Variants in NIPBL observed in about 807,000 individuals in gnomAD.
NIPBL encodes the protein NIPBL cohesin loading factor.
In NIPBL, 19 loss-of-function variants were observed where a neutral mutation model predicts 321.8. The ratio of observed to expected loss-of-function variants is 0.06; its 90% CI spans 0.04 to 0.09. The LOEUF is 0.09. Ranked by LOEUF, NIPBL falls within the 10% of genes least tolerant of loss-of-function variation. The pLI is 1.00. For missense variants in NIPBL, 2,210 were observed against 3,327.0 expected (o/e 0.66, Z 8.26); for synonymous variants, 1,106 against 1,114.1 (o/e 0.99, Z 0.14).
intron 1 of NIPBL, among the ~76,000 whole-genome samples, chr5:36,893,842 G>A (rs754348017): frequency 2.6e-5 from 4 of 152,166 alleles, no homozygotes; most frequent in African/African-American, 4.8e-5. Context: ...GGATACTAGC[G>A]AGGACGTAGA....
In NIPBL at chr5:37,040,282, A is replaced by G. The variant is rs570642947; in HGVS notation, c.6108+1544A>G. Among the ~76,000 whole-genome samples, 193 of 152,238 alleles carry G rather than the reference A, an allele frequency of 1.3e-3. 2 individuals are homozygous for G. Among genetic ancestry groups the G allele is most frequent in the African/African-American group, 4.5e-3 (187 of 41,544 alleles). On this transcript the variant is annotated intron_variant, in intron 34 of 46. Coordinates refer to ENST00000282516, the MANE Select transcript of NIPBL (RefSeq NM_133433.4). ...ACAAATATAAAGTTGTATATAAATA[A>G]GAGTATCTCATACATGGTAAACTTT...
At chr5:36,939,333 A>G (rs1416062517) in intron 1 of NIPBL, among the ~76,000 whole-genome samples, 2 of 152,110 alleles carry the variant, frequency 1.3e-5, no homozygotes, top group African/African-American at 4.8e-5. Flanking sequence ...GGCAACCACT[A>G]ATCTTTTCAC....
intron 1 of NIPBL, among the ~76,000 whole-genome samples, chr5:36,950,913 A>G (rs1433829652): frequency 6.6e-6 from 1 of 151,998 alleles, no homozygotes; most frequent in Admixed American, 6.6e-5. Flanking sequence ...GATTACTTAC[A>G]TTTATTAAAA....
At chr5:37,046,968 A>G (rs1753044371) in intron 38 of NIPBL, among the ~76,000 whole-genome samples, 1 of 152,186 alleles carries the variant, frequency 6.6e-6, no homozygotes. Flanking sequence ...CCAAGGATCA[A>G]AAATACTGAG....
intron 1 of NIPBL, among the ~76,000 whole-genome samples, chr5:36,950,100 G>T (rs1276221682): frequency 1.3e-5 from 2 of 151,996 alleles, no homozygotes. Context: ...TCTGTCGCCA[G>T]TATTTATTTC....
chr5:37,061,565 G>GCT lies in NIPBL; in HGVS notation c.7860+548_7860+549dup, dbSNP rs371528742. Among the ~76,000 whole-genome samples the GCT allele has an allele frequency of 2.9e-3, 448 of 152,234 alleles. 3 individuals carry two copies. Among genetic ancestry groups the GCT allele is most frequent in the African/African-American group, 0.01 (430 of 41,534 alleles). ...GCAGTGGTGTGCACCTGTAGTCCCA[G>GCT]CTACTCAGGAGGCTGAGGCAGGAGA... On this transcript the variant is annotated intron_variant, in intron 45 of 46. Coordinates refer to ENST00000282516, the MANE Select transcript of NIPBL (RefSeq NM_133433.4).
intron 1 of NIPBL, among the ~76,000 whole-genome samples, chr5:36,890,674 A>G (rs1021146543): frequency 9.9e-5 from 15 of 152,244 alleles, no homozygotes; most frequent in Non-Finnish European, 2.1e-4. Context: ...ACCCAAGCCC[A>G]TGTCTTCAAC....
Position 36,877,075 on chromosome 5 carries a change from G to C in NIPBL, c.-183G>C. On this transcript the variant is annotated 5_prime_UTR_variant, in exon 1 of 47. Transcript: ENST00000282516. ...GGCTCTACATGTTCCCCGCACTGAGGAGACGGAAGAGGAGCCGTAGCCACC... is the reference window on the plus strand; with the variant it reads ...GGCTCTACATGTTCCCCGCACTGAGCAGACGGAAGAGGAGCCGTAGCCACC... The C allele has an allele frequency of 2.8e-6, 1 of 360,466 alleles. No individual in the cohort carries two copies. The highest frequency in any genetic ancestry group is 4.9e-6 in the Non-Finnish European group (1 of 202,654). 22.3% of individuals were successfully genotyped at this position (360,466 alleles called of 1,614,324 possible). A position where few individuals can be genotyped will look rare whatever the true frequency, so the allele number is the denominator to read the frequency against.
At chr5:36,921,343 T>C (rs1748927203) in intron 1 of NIPBL, among the ~76,000 whole-genome samples, 1 of 152,194 alleles carries the variant, frequency 6.6e-6, no homozygotes, top group Non-Finnish European at 1.5e-5. Context: ...ACTAGTATTA[T>C]ACATGGAACT....
chr5:37,015,989 A>G, intron 22 of NIPBL, 49 bp from the exon 23 acceptor site: 3 of 1,599,660 alleles, frequency 1.9e-6, no homozygotes, highest in Non-Finnish European at 1.7e-6. Flanking sequence ...CAGATGACTG[A>G]CATGTGTCAC....
chr5:37,007,992 C>A lies in NIPBL; in HGVS notation c.4240-16C>A. Reference sequence around the variant, plus strand: ...CAACTAAAGGTGTATACTACTTACTCTTCTTTTTTAAACAGGTTTCATCTA... The same window carrying A: ...CAACTAAAGGTGTATACTACTTACTATTCTTTTTTAAACAGGTTTCATCTA... On this transcript the variant is annotated splice_polypyrimidine_tract_variant and intron_variant, in intron 18 of 46. Coordinates refer to ENST00000282516, the MANE Select transcript of NIPBL (RefSeq NM_133433.4). 1 of 1,499,816 alleles carries A rather than the reference C, an allele frequency of 6.7e-7. No individual in the cohort carries two copies. Among genetic ancestry groups the A allele is most frequent in the Non-Finnish European group, 9.3e-7 (1 of 1,076,224 alleles). The allele number at this position is 1,499,816 out of a possible 1,614,324, so 92.9% of individuals were successfully genotyped here.
intron 34 of NIPBL, among the ~76,000 whole-genome samples, chr5:37,041,648 C>T (rs1198020127): frequency 2.0e-5 from 3 of 151,294 alleles, no homozygotes; most frequent in Non-Finnish European, 4.4e-5. Context: ...CTGCAACCTT[C>T]GCCTCCCAGG....
rs1229392492 is a variant in NIPBL at position 37,038,738 on chromosome 5, T to C, written c.6108T>C (p.Ser2036=). Residue 2036 remains serine, a splice_region_variant and synonymous_variant, in exon 34 of 47, where the codon AGT becomes AGC. Transcript: ENST00000282516. ...AACCATACCTTACCACTAAATGTAG[T>C]GTAAGTATAGAGCTGTCTTATTCTT... The part of the protein sequence containing the change: ...TMQPYLTTKC[S]TQNDFMVICN... 6.2e-7 allele frequency: 1 copy of C among 1,612,928 alleles called. No homozygotes were observed. The highest frequency in any genetic ancestry group is 8.5e-7 in the Non-Finnish European group (1 of 1,179,570).
intron 11 of NIPBL, among the ~76,000 whole-genome samples, chr5:36,999,800 A>G (rs575301797): frequency 8.5e-5 from 13 of 152,184 alleles, no homozygotes; most frequent in Non-Finnish European, 1.9e-4. Context: ...ACAACTGTAC[A>G]GGTTTTTTCT....
rs780337526 is a variant in NIPBL at position 37,020,566 on chromosome 5, T to A, written c.5118T>A (p.His1706Gln). 6.2e-7 allele frequency: 1 copy of A among 1,613,904 alleles called. No individual in the cohort carries two copies. Residue 1706 changes from histidine to glutamine, a missense_variant, in exon 26 of 47, where the codon CAT becomes CAA. This residue lies in a region of NIPBL where 138 missense variants were observed against 175.8 expected (regional missense o/e 0.79). Transcript: ENST00000282516. ...KDEESSEGTH[H>Q]AKEIETTGQI... ...AAGAATCATCTGAAGGAACACATCATGCAAAGGAAATTGAGACAACTGGCC... is the reference window on the plus strand; with the variant it reads ...AAGAATCATCTGAAGGAACACATCAAGCAAAGGAAATTGAGACAACTGGCC...
chr5:36,970,587 A>C (rs1008237995), intron 6 of NIPBL, among the ~76,000 whole-genome samples: 7 of 151,934 alleles, frequency 4.6e-5, no homozygotes, highest in Non-Finnish European at 7.4e-5. Context: ...GGCAGAATAA[A>C]CTCAGATCAA....
intron 1 of NIPBL, among the ~76,000 whole-genome samples, chr5:36,897,007 A>ATT (rs532306217): frequency 4.9e-5 from 7 of 143,578 alleles, no homozygotes; most frequent in African/African-American, 1.5e-4. Flanking sequence ...ACTTTTATAT[A>ATT]TTTTTTTTTT....
intron 10 of NIPBL, among the ~76,000 whole-genome samples, chr5:36,989,682 A>G (rs1328371094): frequency 6.6e-6 from 1 of 151,966 alleles, no homozygotes; most frequent in Non-Finnish European, 1.5e-5. Context: ...TACTAAAAAT[A>G]CAAAAATTAG....
At chr5:36,963,687 A>G (rs1215626523) in intron 6 of NIPBL, among the ~76,000 whole-genome samples, 1 of 151,918 alleles carries the variant, frequency 6.6e-6, no homozygotes, top group Non-Finnish European at 1.5e-5. Context: ...TTGTAGTCCC[A>G]GCTACTCAGG....
Sources: allele counts gnomAD v4.1 joint callset (sites outside exome capture counted in the v4.1 genomes callset), GRCh38; gene constraint gnomAD v4.1.1; regional missense constraint gnomAD v4.1.1; transcripts MANE v1.5; gene names NCBI Gene and HGNC (gene_info 2026-07-23, HGNC 2026-07-21).